The following SCN9A variants were observed in gnomAD, a reference collection of about 807,000 sequenced individuals.
SCN9A encodes the protein sodium channel protein type 9 subunit alpha.
A neutral mutation model predicts 187.0 loss-of-function variants in SCN9A; 131 were observed. That is an observed-to-expected ratio of 0.70 (90% confidence interval 0.61 to 0.81). The LOEUF is 0.81. Among genes scored for constraint, SCN9A ranks in the 30% least tolerant of loss-of-function variants. SCN9A has a pLI of 0.00. For missense variants in SCN9A, 2,252 were observed against 2,396.6 expected (o/e 0.94, Z 1.26); for synonymous variants, 809 against 808.6 (o/e 1.00, Z -0.01).
At chr2:166,261,033 AT>A (rs535263010) in intron 17 of SCN9A, among the ~76,000 whole-genome samples, 62 of 151,532 alleles carry the variant, frequency 4.1e-4, no homozygotes, top group Non-Finnish European at 8.0e-4. Flanking sequence ...TTTTTTGGTA[AT>A]TTTATACAAT....
At chr2:166,223,396 T>A (rs1177889484) in intron 24 of SCN9A, among the ~76,000 whole-genome samples, 1 of 152,214 alleles carries the variant, frequency 6.6e-6, no homozygotes, top group Non-Finnish European at 1.5e-5. Context: ...AAACACACAC[T>A]ATTCAGCCTT....
At chr2:166,329,467 T>A (rs1451135918) in intron 1 of SCN9A, among the ~76,000 whole-genome samples, 2 of 152,086 alleles carry the variant, frequency 1.3e-5, no homozygotes, top group Non-Finnish European at 2.9e-5. Context: ...CATGATGCTA[T>A]TGGATACATG....
chr2:166,271,585 G>A (rs1272773446), intron 17 of SCN9A, among the ~76,000 whole-genome samples: 1 of 152,048 alleles, frequency 6.6e-6, no homozygotes, highest in Non-Finnish European at 1.5e-5. Context: ...GGCCAGGCGT[G>A]GTGGCTCACT....
At chr2:166,350,190 G>A (rs1200910303) in intron 1 of SCN9A, among the ~76,000 whole-genome samples, 1 of 152,096 alleles carries the variant, frequency 6.6e-6, no homozygotes, top group African/African-American at 2.4e-5. Flanking sequence ...AAAATTCTAT[G>A]ATTCTATTAT....
chr2:166,343,718 C>G (rs757851276), intron 1 of SCN9A, among the ~76,000 whole-genome samples: 1 of 151,978 alleles, frequency 6.6e-6, no homozygotes, highest in Non-Finnish European at 1.5e-5. Flanking sequence ...TTTGCTTGAG[C>G]CCCTGGGGAT....
intron 24 of SCN9A, among the ~76,000 whole-genome samples, chr2:166,207,552 T>C (rs567524169): frequency 6.6e-6 from 1 of 152,182 alleles, no homozygotes; most frequent in East Asian, 1.9e-4. Flanking sequence ...GTAATTCTCA[T>C]GTCTCAGCCT....
chr2:166,230,286 A>G (rs544529221), intron 21 of SCN9A, among the ~76,000 whole-genome samples: 2 of 152,324 alleles, frequency 1.3e-5, no homozygotes, highest in South Asian at 2.1e-4. Flanking sequence ...ATGAAATTAT[A>G]TAACAAACAT....
At chr2:166,299,206 A>G (rs1698451457) in intron 7 of SCN9A, among the ~76,000 whole-genome samples, 1 of 151,312 alleles carries the variant, frequency 6.6e-6, no homozygotes, top group Non-Finnish European at 1.5e-5. Context: ...AAAAACCCAT[A>G]TATTTTTTTA....
chr2:166,199,279 T>A lies in SCN9A; in HGVS notation c.5360A>T (p.Glu1787Val), dbSNP rs1388775019. 6.2e-7 allele frequency: 1 copy of A among 1,614,122 alleles called. No individual in the cohort carries two copies. The highest frequency in any genetic ancestry group is 1.3e-5 in the African/African-American group (1 of 75,012). The change falls in exon 27 of 27, where the codon GAG (glutamate) becomes GTG (valine). Residue 1787 changes from glutamate (E) to valine (V), a missense_variant. Glu to Val is a moderately radical substitution (Grantham distance 121). Coordinates refer to ENST00000642356, the MANE Select transcript of SCN9A (RefSeq NM_001365536.1). ...DDFEMFYEVW[E>V]KFDPDATQFI... is the part of the protein sequence containing the mutation. ...CTGGGTCGCATCGGGATCAAACTTC[T>A]CCCAAACCTCATAGAACATCTCAAA... is the stretch of plus-strand genomic sequence containing the variant.
In SCN9A at chr2:166,304,254, A is replaced by T. The variant is rs968362489; in HGVS notation, c.672T>A (p.Thr224=). 16 of 1,613,426 alleles carry T rather than the reference A, an allele frequency of 9.9e-6. No individual in the cohort carries two copies. In the Admixed American group the frequency reaches 1.8e-4, roughly 19 times the overall value. Residue 224 remains threonine, a synonymous_variant, in exon 6 of 27, where the codon ACT becomes ACA. Coordinates refer to ENST00000642356, the MANE Select transcript of SCN9A (RefSeq NM_001365536.1). ...RTFRVLRALK[T]ISVIPGLKTI... ...ACTTCTTACCTGGGATTACAGAAAT[A>T]GTTTTCAAAGCTCTCAATACTCTGA...
intron 9 of SCN9A, among the ~76,000 whole-genome samples, chr2:166,290,010 T>C (rs1469523309): frequency 1.3e-5 from 2 of 152,156 alleles, no homozygotes; most frequent in Admixed American, 6.6e-5. Flanking sequence ...CAACCCATTA[T>C]CTAGGTTTTA....
intron 16 of SCN9A, 74 bp from the exon 17 acceptor site, chr2:166,272,949 A>C: frequency 1.4e-6 from 1 of 707,520 alleles, no homozygotes. Context: ...AAATAAGTAC[A>C]CTTTTCCGAA....
At chr2:166,293,162 C>A in intron 9 of SCN9A, 69 bp downstream of exon 9, 1 of 1,394,164 alleles carries the variant, frequency 7.2e-7, no homozygotes, top group Non-Finnish European at 9.8e-7. Context: ...CCTCCTAATA[C>A]AGGCTCTTAA....
Position 166,233,395 on chromosome 2 carries a change from C to G in SCN9A, c.3869G>C (p.Arg1290Pro), listed in dbSNP as rs368396027. The change falls in exon 21 of 27, where the codon CGG (arginine) becomes CCG (proline). Residue 1290 changes from arginine to proline, a missense_variant. This residue lies in a region of SCN9A where 368 missense variants were observed against 408.6 expected (regional missense o/e 0.90). Transcript: ENST00000642356. ...YSDLGPIKSLRTLRALRPLRA... is the reference protein window; with the variant it reads ...YSDLGPIKSLPTLRALRPLRA... Reference sequence around the variant, plus strand: ...TAGAGGTCTTAAAGCTCTCAGTGTCCGAAGGGATTTAATGGGGCCAAGATC... The same window carrying G: ...TAGAGGTCTTAAAGCTCTCAGTGTCGGAAGGGATTTAATGGGGCCAAGATC... 1 of 1,579,644 alleles carries G rather than the reference C, an allele frequency of 6.3e-7. No individual in the cohort carries two copies. Among genetic ancestry groups the G allele is most frequent in the Non-Finnish European group, 8.6e-7 (1 of 1,166,388 alleles).
intron 1 of SCN9A, among the ~76,000 whole-genome samples, chr2:166,336,095 C>G (rs750638359): frequency 1.4e-4 from 21 of 152,028 alleles, no homozygotes; most frequent in Non-Finnish European, 2.6e-4. Context: ...GGTCCTAGAA[C>G]CAATCCCTCA....
At chr2:166,254,129 A>G (rs1006896018) in intron 17 of SCN9A, among the ~76,000 whole-genome samples, 4 of 151,606 alleles carry the variant, frequency 2.6e-5, no homozygotes, top group Admixed American at 6.6e-5. Context: ...TTAATGGTCA[A>G]TTGAATTCAG....
chr2:166,210,544 T>C (rs1440473363), intron 24 of SCN9A, among the ~76,000 whole-genome samples: 1 of 122,532 alleles, frequency 8.2e-6, no homozygotes, highest in Non-Finnish European at 1.8e-5. Context: ...AGGTAGATCA[T>C]TTAAAATTAT....
intron 19 of SCN9A, among the ~76,000 whole-genome samples, chr2:166,240,935 A>T (rs1378028569): frequency 6.6e-6 from 1 of 152,132 alleles, no homozygotes; most frequent in Non-Finnish European, 1.5e-5. Flanking sequence ...ACATCAATCC[A>T]CTATATGTGT....
At chr2:166,210,154 G>T (rs148671208) in intron 24 of SCN9A, among the ~76,000 whole-genome samples, 4,505 of 152,214 alleles carry the variant, frequency 0.03, 482 homozygotes, top group Admixed American at 0.2. Flanking sequence ...CAAGTCCTTT[G>T]CAGGGACATG....
Sources: gnomAD v4.1 joint callset for allele counts (sites outside exome capture counted in the v4.1 genomes callset) on GRCh38, gnomAD v4.1.1 for gene constraint, gnomAD v4.1.1 regional missense constraint, MANE v1.5 for transcripts, NCBI Gene and HGNC (gene_info 2026-07-23, HGNC 2026-07-21) for gene names.